Variants in ASIC4 observed in about 807,000 individuals in gnomAD.
The protein encoded by ASIC4 is acid-sensing ion channel 4.
Under a neutral mutation model 53.4 loss-of-function variants are expected in ASIC4, and 28 were observed. The observed-to-expected ratio is 0.52, with a 90% CI of 0.39 to 0.72. ASIC4 has a LOEUF of 0.72. Ranked by LOEUF, ASIC4 falls within the 30% of genes least tolerant of loss-of-function variation. The pLI is 0.00. For synonymous variants in ASIC4, 289 were observed against 301.4 expected, an observed-to-expected ratio of 0.96 and a Z score of 0.43; for missense variants, 649 against 729.7, an observed-to-expected ratio of 0.89 and a Z score of 1.27.
chr2:219,532,402 G>T lies in ASIC4; in HGVS notation c.943G>T (p.Val315Leu). The T allele has an allele frequency of 6.2e-7, 1 of 1,614,116 alleles. No homozygotes were observed. Among genetic ancestry groups the T allele is most frequent in the Non-Finnish European group, 8.5e-7 (1 of 1,179,986 alleles). ...GCTTCAGGGCTACTCGGCCTACAGT[G>T]TGTCTGCCTGCCGGCTGCGCTGTGA... The part of the protein sequence containing the change: ...PELQGYSAYS[V>L]SACRLRCEKE... Residue 315 changes from valine to leucine, a missense_variant, in exon 4 of 10, where the codon GTG becomes TTG. Physicochemically the swap from Val to Leu is conservative, Grantham distance 32. Transcript: ENST00000358078.
rs747825595 is a variant in ASIC4, at chr2:219,537,082, C to G, written c.1246C>G (p.Leu416Val). 9.9e-6 allele frequency: 16 copies of G among 1,614,098 alleles called. No individual in the cohort carries two copies. The South Asian group carries it at 1.6e-4, about 17-fold the overall frequency. ...TCTCCACAGGGAGAACTTCCTGGTC[C>G]TAGATGTCTTCTTTGAGGCCCTGAC... ...ETYIRENFLV[L>V]DVFFEALTSE... The change falls in exon 7 of 10, where the codon CTA becomes GTA. Residue 416 changes from leucine (L) to valine (V), a missense_variant. Transcript: ENST00000358078. The surrounding 1 kb of genome is among the most constrained non-coding windows in gnomAD (Gnocchi z 4.9).
chr2:219,521,056 C>T (rs945687828), intron 1 of ASIC4, among the ~76,000 whole-genome samples: 4 of 152,232 alleles, frequency 2.6e-5, no homozygotes, highest in Non-Finnish European at 5.9e-5. Context: ...TCCCCACCTT[C>T]CACCCCACAC....
chr2:219,532,575 T>G (rs1202431208), intron 4 of ASIC4, 98 bp downstream of exon 4: 1 of 1,459,612 alleles, frequency 6.9e-7, no homozygotes, highest in Non-Finnish European at 9.2e-7. Flanking sequence ...CAGGTGCATG[T>G]ATACAACATG....
chr2:219,508,384 G>C, the ASIC4 span, among the ~76,000 whole-genome samples: 1 of 152,212 alleles, frequency 6.6e-6, no homozygotes, highest in Non-Finnish European at 1.5e-5. Flanking sequence ...TGGCCCCCGG[G>C]ATCCCCCTCC....
At chr2:219,508,919 G>C in the ASIC4 span, among the ~76,000 whole-genome samples, 2 of 150,192 alleles carry the variant, frequency 1.3e-5, no homozygotes, top group African/African-American at 4.9e-5. Flanking sequence ...AGCAAGCTGG[G>C]GGCCGGGGAG....
At chr2:219,535,713 C>T (rs1458448001) in intron 6 of ASIC4, among the ~76,000 whole-genome samples, 2 of 151,258 alleles carry the variant, frequency 1.3e-5, no homozygotes, top group Admixed American at 6.6e-5. Context: ...GGGAGTGGGC[C>T]GCATCTCTAT....
upstream of ASIC4, among the ~76,000 whole-genome samples, chr2:219,513,191 A>G (rs192341656): frequency 1.4e-5 from 2 of 148,096 alleles, no homozygotes; most frequent in Non-Finnish European, 3.0e-5. Flanking sequence ...CCGCCCGTCC[A>G]CGCTTCCTCT....
Position 219,534,918 on chromosome 2 carries a change from C to CA in ASIC4, c.1076-253_1076-252insA, listed in dbSNP as rs1485531724. 4.0e-5 allele frequency among the ~76,000 whole-genome samples: 6 copies of CA among 151,666 alleles called. No individual in the cohort carries two copies. The South Asian group carries it at 6.3e-4, about 16-fold the overall frequency. On this transcript the variant is annotated intron_variant, in intron 5 of 9. Transcript: ENST00000358078. ...TGTTCTCCCTCTGGGCCACGAGGAC[C>CA]CCCCCCCAGTCCCAGGGGGTTGGGA...
rs932121420 is a variant in ASIC4, at chr2:219,531,782, T to A, written c.607T>A (p.Tyr203Asn). ...SVVYTRYGKC[Y>N]TFNADPRSSL... is the part of the protein sequence containing the mutation. ...GGTCTATACTCGCTATGGGAAGTGT[T>A]ACACCTTCAACGCGGACCCGCGGAG... is the stretch of plus-strand genomic sequence containing the variant. The change falls in exon 2 of 10, where the codon TAC becomes AAC. Residue 203 changes from tyrosine to asparagine, a missense_variant. By Grantham distance (143) the Tyr-to-Asn change is moderately radical. Transcript: ENST00000358078. The A allele has an allele frequency of 1.2e-6, 2 of 1,609,696 alleles. No individual in the cohort carries two copies. The highest frequency in any genetic ancestry group is 1.3e-5 in the African/African-American group (1 of 74,956).
In ASIC4 at chr2:219,532,477, G is replaced by A; in HGVS notation, c.1018G>A (p.Gly340Ser). 6.2e-7 allele frequency: 1 copy of A among 1,607,338 alleles called. No individual in the cohort carries two copies. Residue 340 changes from glycine to serine, a missense_variant and splice_region_variant, in exon 4 of 10, where the codon GGC becomes AGC. Physicochemically the swap from Gly to Ser is moderately conservative, Grantham distance 56. Coordinates refer to ENST00000358078, the MANE Select transcript of ASIC4 (RefSeq NM_018674.6). ...CCACTGCCGGATGGTGCACATGCCA[G>A]GTGGGCACCCCACCCCCAGCCAGCC... ...RCHCRMVHMP[G>S]NETICPPNIY...
rs1559119275 is a variant in ASIC4, at chr2:219,532,353, A to G, written c.894A>G (p.Ala298=). ...YLPQPWGNCR[A]ESELREPELQ... is the part of the protein sequence containing the mutation. ...CCCAGCCCTGGGGCAACTGCCGCGC[A>G]GAGAGTGAGCTCAGGGAGCCTGAGC... The change falls in exon 4 of 10, where the codon GCA becomes GCG. Residue 298 remains alanine, a synonymous_variant. Transcript: ENST00000358078. 1.2e-6 allele frequency: 2 copies of G among 1,613,700 alleles called. No homozygotes were observed. The highest frequency in any genetic ancestry group is 4.5e-5 in the East Asian group (2 of 44,852).
rs1695171257 is a variant in ASIC4, at chr2:219,537,872, G to C, written c.1507-61G>C. The C allele has an allele frequency of 2.7e-6, 4 of 1,498,150 alleles. No individual in the cohort carries two copies. In the Admixed American group the frequency reaches 7.8e-5, roughly 29 times the overall value. The allele number at this position is 1,498,150 out of a possible 1,614,324, so 92.8% of individuals were successfully genotyped here. On this transcript the variant is annotated intron_variant, in intron 9 of 9. Coordinates refer to ENST00000358078, the MANE Select transcript of ASIC4 (RefSeq NM_018674.6). The surrounding 1 kb of genome is among the most constrained non-coding windows in gnomAD (Gnocchi z 4.9). The stretch of plus-strand genomic sequence containing the variant: ...GGTGACAAGGAAAGGCTGGCGGTGT[G>C]AGCCCTGGGGGCACCACTTGAGCTC...
rs1234021307 is a variant in ASIC4, at chr2:219,537,443, G to T, written c.1401+122G>T. ...GTCAGGTTCAGGGTTCTCTGCCAGG[G>T]TCCCCTGACTGGCTGGCAGGCCTGA... On this transcript the variant is annotated intron_variant, in intron 8 of 9. Transcript: ENST00000358078. This position sits in a 1 kb window ranked among gnomAD's most constrained non-coding sequence, Gnocchi z 4.9. 1.6e-6 allele frequency: 2 copies of T among 1,250,480 alleles called. No individual in the cohort carries two copies. Among genetic ancestry groups the T allele is most frequent in the East Asian group, 2.5e-5 (1 of 39,466 alleles). 77.5% of individuals were successfully genotyped at this position (1,250,480 alleles called of 1,614,324 possible).
rs780486196 is a variant in ASIC4 at position 219,537,035 on chromosome 2, C to T, written c.1230-31C>T. On this transcript the variant is annotated intron_variant, in intron 6 of 9. Coordinates refer to ENST00000358078, the MANE Select transcript of ASIC4 (RefSeq NM_018674.6). This position sits in a 1 kb window ranked among gnomAD's most constrained non-coding sequence, Gnocchi z 4.9. ...GCCAGCCTTCTCAGGAAGAGAGGCCCACACGGATACCCTGCTTCCTGTCTC... is the reference window on the plus strand; with the variant it reads ...GCCAGCCTTCTCAGGAAGAGAGGCCTACACGGATACCCTGCTTCCTGTCTC... 1.3e-6 allele frequency: 2 copies of T among 1,599,442 alleles called. No homozygotes were observed. The highest frequency in any genetic ancestry group is 3.3e-5 in the Admixed American group (2 of 59,860).
At chr2:219,529,418 G>A (rs1695005093) in intron 1 of ASIC4, among the ~76,000 whole-genome samples, 1 of 152,152 alleles carries the variant, frequency 6.6e-6, no homozygotes, top group African/African-American at 2.4e-5. Context: ...TTGAAGAGAA[G>A]CCGATATGGA....
rs1695134970 is a variant in ASIC4, at chr2:219,536,255, A to T, written c.1230-811A>T. Reference sequence around the variant, plus strand: ...TTGCTTATGCATCTTTCTTCCCTGCACGGAGGGAGAGGGACAGGATGAGAC... The same window carrying T: ...TTGCTTATGCATCTTTCTTCCCTGCTCGGAGGGAGAGGGACAGGATGAGAC... On this transcript the variant is annotated intron_variant, in intron 6 of 9. Coordinates refer to ENST00000358078, the MANE Select transcript of ASIC4 (RefSeq NM_018674.6). The surrounding 1 kb of genome is among the most constrained non-coding windows in gnomAD (Gnocchi z 4.6). 6.6e-6 allele frequency among the ~76,000 whole-genome samples: 1 copy of T among 152,204 alleles called. No individual in the cohort carries two copies. Among genetic ancestry groups the T allele is most frequent in the South Asian group, 2.1e-4 (1 of 4,830 alleles).
At position 219,514,801 on chromosome 2, in the gene ASIC4, A is replaced by C. The variant is rs1321160695; in HGVS notation, c.77A>C (p.Glu26Ala). ...AKPKEKEAGD[E>A]QSLLGAVAPG... ...CCCAAGGAGAAGGAGGCAGGGGATG[A>C]GCAGAGCCTCCTCGGGGCTGTTGCC... The change falls in exon 1 of 10, where the codon GAG becomes GCG. Residue 26 changes from glutamate to alanine, a missense_variant. Coordinates refer to ENST00000358078, the MANE Select transcript of ASIC4 (RefSeq NM_018674.6). 1.2e-6 allele frequency: 2 copies of C among 1,613,292 alleles called. No homozygotes were observed. The highest frequency in any genetic ancestry group is 1.7e-6 in the Non-Finnish European group (2 of 1,179,982).
In ASIC4 at chr2:219,535,245, A is replaced by G; in HGVS notation, c.1150A>G (p.Ile384Val). 1 of 1,613,962 alleles carries G rather than the reference A, an allele frequency of 6.2e-7. No homozygotes were observed. Among genetic ancestry groups the G allele is most frequent in the Non-Finnish European group, 8.5e-7 (1 of 1,179,948 alleles). ...PCNLTRYGKEISMVRIPNRGS... is the reference protein window; with the variant it reads ...PCNLTRYGKEVSMVRIPNRGS... ...CAACCTGACACGCTATGGGAAAGAG[A>G]TCTCCATGGTCAGGATCCCCAACAG... The change falls in exon 6 of 10, where the codon ATC becomes GTC. Residue 384 changes from isoleucine (I) to valine (V), a missense_variant. By Grantham distance (29) the Ile-to-Val change is conservative. Transcript: ENST00000358078.
upstream of ASIC4, among the ~76,000 whole-genome samples, chr2:219,510,602 GC>G (rs1396618374): frequency 1.3e-5 from 2 of 152,138 alleles, no homozygotes; most frequent in Admixed American, 6.5e-5. This position sits in a 1 kb window ranked among gnomAD's most constrained non-coding sequence, Gnocchi z 5.2. Flanking sequence ...TCCTCCTGAT[GC>G]CCCCATCCCA....
Sources: allele counts gnomAD v4.1 joint callset (sites outside exome capture counted in the v4.1 genomes callset), GRCh38; gene constraint gnomAD v4.1.1; non-coding constraint Gnocchi (gnomAD v3.1); transcripts MANE v1.5; gene names NCBI Gene and HGNC (gene_info 2026-07-23, HGNC 2026-07-21).